ZNF407: variants seen among roughly 807,000 people sequenced by gnomAD.
The protein encoded by ZNF407 is zinc finger protein 407.
Under a neutral mutation model 131.2 loss-of-function variants are expected in ZNF407, and 17 were observed. The ratio of observed to expected loss-of-function variants is 0.13; its 90% CI spans 0.09 to 0.19. The LOEUF (loss-of-function observed/expected upper bound fraction) is 0.19. Ranked by LOEUF, ZNF407 falls within the 10% of genes least tolerant of loss-of-function variation. The pLI is 1.00. For synonymous variants in ZNF407, 1,156 were observed against 1,062.0 expected, an observed-to-expected ratio of 1.09 and a Z score of -1.72; for missense variants, 2,681 against 2,830.6, an observed-to-expected ratio of 0.95 and a Z score of 1.20.
At chr18:75,049,753 T>C (rs1461412314) in intron 8 of ZNF407, among the ~76,000 whole-genome samples, 1 of 152,218 alleles carries the variant, frequency 6.6e-6, no homozygotes, top group Non-Finnish European at 1.5e-5. Context: ...AGCCATTCTT[T>C]ATGCATTTTA....
At chr18:74,779,109 A>ATATATATAT (rs397943457) in intron 3 of ZNF407, among the ~76,000 whole-genome samples, 2 of 24,376 alleles carry the variant, frequency 8.2e-5, no homozygotes, top group Admixed American at 9.3e-4. Context: ...ATATATATAT[A>ATATATATAT]TTTTTTTTTT....
chr18:75,000,951 T>G (rs1485885769), intron 8 of ZNF407, among the ~76,000 whole-genome samples: 1 of 152,176 alleles, frequency 6.6e-6, no homozygotes, highest in African/African-American at 2.4e-5. Context: ...CAGTGAAATA[T>G]CCTCACAGAC....
At chr18:74,774,917 A>G (rs1969436548) in intron 3 of ZNF407, among the ~76,000 whole-genome samples, 1 of 152,212 alleles carries the variant, frequency 6.6e-6, no homozygotes, top group South Asian at 2.1e-4. Context: ...ACGTATTAAT[A>G]CATTCTTAGT....
At chr18:74,879,547 G>A (rs533514631) in intron 5 of ZNF407, among the ~76,000 whole-genome samples, 8 of 152,222 alleles carry the variant, frequency 5.3e-5, no homozygotes, top group Admixed American at 5.2e-4. Flanking sequence ...CAGCTAGTTA[G>A]AAAGATTTAT....
At chr18:74,611,444 G>C (rs1156593348) in intron 1 of ZNF407, among the ~76,000 whole-genome samples, 4 of 152,080 alleles carry the variant, frequency 2.6e-5, no homozygotes, top group African/African-American at 9.7e-5. Flanking sequence ...ACAGAAAAGG[G>C]GACAAATGAC....
intron 8 of ZNF407, among the ~76,000 whole-genome samples, chr18:74,941,874 G>A (rs1423995735): frequency 6.6e-6 from 1 of 152,194 alleles, no homozygotes; most frequent in East Asian, 1.9e-4. Flanking sequence ...AGGTATTCCA[G>A]GGCTCGAGTT....
At chr18:74,678,407 C>T (rs370823809) in intron 3 of ZNF407, among the ~76,000 whole-genome samples, 7 of 152,296 alleles carry the variant, frequency 4.6e-5, no homozygotes, top group African/African-American at 1.7e-4. Context: ...TCCCTTTCCT[C>T]TCCTTCCAGG....
intron 1 of ZNF407, among the ~76,000 whole-genome samples, chr18:74,619,178 A>G (rs1389847024): frequency 6.6e-6 from 1 of 152,110 alleles, no homozygotes; most frequent in Non-Finnish European, 1.5e-5. Flanking sequence ...CTACTTTTTG[A>G]GTGTTCAACA....
At chr18:74,599,681 A>G (rs1005558255) in intron 1 of ZNF407, among the ~76,000 whole-genome samples, 2 of 152,134 alleles carry the variant, frequency 1.3e-5, no homozygotes, top group African/African-American at 4.8e-5. Context: ...TTGAAGGGAC[A>G]TTTTCCCCAA....
At chr18:74,625,669 C>G (rs1983756377) in intron 1 of ZNF407, among the ~76,000 whole-genome samples, 1 of 152,176 alleles carries the variant, frequency 6.6e-6, no homozygotes, top group South Asian at 2.1e-4. Flanking sequence ...GTGCTTGTCA[C>G]TCAGCTTTAA....
At chr18:74,854,436 G>C (rs1326097112) in intron 4 of ZNF407, among the ~76,000 whole-genome samples, 1 of 152,152 alleles carries the variant, frequency 6.6e-6, no homozygotes, top group Admixed American at 6.5e-5. Context: ...GTAACAAGTA[G>C]TGATAATTTT....
At chr18:74,745,585 A>G (rs562692592) in intron 3 of ZNF407, among the ~76,000 whole-genome samples, 8 of 152,240 alleles carry the variant, frequency 5.3e-5, no homozygotes, top group African/African-American at 1.7e-4. Context: ...GCCTTTGCCT[A>G]TGTGTTTGAT....
intron 4 of ZNF407, among the ~76,000 whole-genome samples, chr18:74,836,433 T>C (rs1251927860): frequency 6.6e-6 from 1 of 152,226 alleles, no homozygotes; most frequent in Non-Finnish European, 1.5e-5. Flanking sequence ...AGCTGCTGTG[T>C]GTGTATTTGG....
intron 8 of ZNF407, among the ~76,000 whole-genome samples, chr18:75,055,555 A>G (rs1394167745): frequency 6.6e-6 from 1 of 152,012 alleles, no homozygotes; most frequent in East Asian, 1.9e-4. Flanking sequence ...ATAATACAAC[A>G]TTTCTTAGGG....
intron 7 of ZNF407, among the ~76,000 whole-genome samples, chr18:74,897,619 G>GA (rs1971469942): frequency 6.6e-6 from 1 of 151,988 alleles, no homozygotes; most frequent in African/African-American, 2.4e-5. Flanking sequence ...CCTTAGAGAT[G>GA]AAAAAAATAG....
At chr18:75,035,832 A>AT (rs11370784) in intron 8 of ZNF407, among the ~76,000 whole-genome samples, 2,926 of 152,334 alleles carry the variant, frequency 0.019, 90 homozygotes, top group African/African-American at 0.06. Context: ...ATATCTTGTG[A>AT]TAGGGAGAGG....
intron 8 of ZNF407, among the ~76,000 whole-genome samples, chr18:75,045,647 T>C (rs1483961278): frequency 6.6e-6 from 1 of 152,220 alleles, no homozygotes; most frequent in Non-Finnish European, 1.5e-5. Context: ...CATCCATTGA[T>C]CCACCGCTTT....
chr18:75,030,303 A>T (rs956225524), intron 8 of ZNF407, among the ~76,000 whole-genome samples: 9 of 152,222 alleles, frequency 5.9e-5, no homozygotes, highest in African/African-American at 2.2e-4. Flanking sequence ...AAGGTATTAT[A>T]CATTATTATT....
At chr18:74,973,342 C>T (rs1439710227) in intron 8 of ZNF407, among the ~76,000 whole-genome samples, 1 of 152,132 alleles carries the variant, frequency 6.6e-6, no homozygotes, top group East Asian at 1.9e-4. Context: ...AGTCACCAAA[C>T]ATAATTTAGA....
Sources: gnomAD v4.1 joint callset for allele counts (sites outside exome capture counted in the v4.1 genomes callset) on GRCh38, gnomAD v4.1.1 for gene constraint, MANE v1.5 for transcripts, NCBI Gene and HGNC (gene_info 2026-07-23, HGNC 2026-07-21) for gene names.